The following RIMS2 variants were observed in gnomAD, a reference collection of about 807,000 sequenced individuals.
RIMS2 encodes regulating synaptic membrane exocytosis 2.
In RIMS2, 59 loss-of-function variants were observed where a neutral mutation model predicts 174.4. The observed-to-expected ratio is 0.34, with a 90% CI of 0.27 to 0.42. The LOEUF is 0.42. RIMS2 is among the 10% of genes least tolerant of loss of function. The probability of loss-of-function intolerance (pLI) is 1.00; values close to 1 mark genes in which losing one functional copy is unlikely to be tolerated. For synonymous variants in RIMS2, 606 were observed against 572.5 expected (o/e 1.06, Z -0.84); for missense variants, 1,620 against 1,666.3 (o/e 0.97, Z 0.48).
chr8:103,967,536 AG>A (rs1199593470), intron 15 of RIMS2, among the ~76,000 whole-genome samples: 1 of 151,910 alleles, frequency 6.6e-6, no homozygotes, highest in Non-Finnish European at 1.5e-5. Flanking sequence ...TCTGTCACCC[AG>A]GCTGGAATGC....
At chr8:103,602,442 T>TCCC (rs1194687591) in intron 1 of RIMS2, among the ~76,000 whole-genome samples, 2 of 151,708 alleles carry the variant, frequency 1.3e-5, no homozygotes, top group Non-Finnish European at 2.9e-5. Context: ...TTTTTCCTGA[T>TCCC]CCCATCCCTC....
intron 1 of RIMS2, among the ~76,000 whole-genome samples, chr8:103,670,901 T>C (rs966381001): frequency 2.0e-5 from 3 of 152,224 alleles, no homozygotes; most frequent in African/African-American, 4.8e-5. Context: ...TTCCACATTT[T>C]CAGGTACCTT....
At chr8:104,206,026 G>C (rs1290392173) in intron 19 of RIMS2, among the ~76,000 whole-genome samples, 1 of 152,160 alleles carries the variant, frequency 6.6e-6, no homozygotes, top group African/African-American at 2.4e-5. Context: ...AAAGTGTTGG[G>C]ATTACAGATG....
intron 6 of RIMS2, among the ~76,000 whole-genome samples, chr8:103,912,970 G>GT (rs1272975359): frequency 0.029 from 3,368 of 114,846 alleles, 132 homozygotes; most frequent in African/African-American, 0.073. Flanking sequence ...TTTTTTTGTT[G>GT]TTTTTTTTTT....
At chr8:104,212,155 T>G (rs918352625) in intron 19 of RIMS2, among the ~76,000 whole-genome samples, 4 of 152,332 alleles carry the variant, frequency 2.6e-5, no homozygotes, top group Admixed American at 2.6e-4. Flanking sequence ...TAATGTCAAG[T>G]AGACAGCTCT....
At chr8:104,122,027 T>C (rs373802686) in intron 19 of RIMS2, among the ~76,000 whole-genome samples, 1 of 152,074 alleles carries the variant, frequency 6.6e-6, no homozygotes, top group Admixed American at 6.6e-5. Flanking sequence ...AAAATCCCTG[T>C]CATCATGGAG....
intron 2 of RIMS2, among the ~76,000 whole-genome samples, chr8:103,724,685 T>A (rs2097504146): frequency 6.6e-6 from 1 of 152,248 alleles, no homozygotes; most frequent in African/African-American, 2.4e-5. Flanking sequence ...TGGATCCTAC[T>A]TTATTTCATA....
intron 1 of RIMS2, among the ~76,000 whole-genome samples, chr8:103,615,035 TTTATA>T (rs1183759423): frequency 6.6e-6 from 1 of 152,226 alleles, no homozygotes; most frequent in African/African-American, 2.4e-5. Context: ...TTTAATTATG[TTTATA>T]TTATATTATT....
intron 1 of RIMS2, among the ~76,000 whole-genome samples, chr8:103,597,113 T>G (rs910810785): frequency 6.6e-6 from 1 of 152,170 alleles, no homozygotes; most frequent in Non-Finnish European, 1.5e-5. Flanking sequence ...ATTAAGAACA[T>G]ATGCTTATTT....
At chr8:103,988,660 A>C (rs900736015) in intron 16 of RIMS2, among the ~76,000 whole-genome samples, 1 of 152,018 alleles carries the variant, frequency 6.6e-6, no homozygotes, top group African/African-American at 2.4e-5. Context: ...GGGTTTCTCC[A>C]TGTTGGTCAG....
intron 1 of RIMS2, among the ~76,000 whole-genome samples, chr8:103,658,312 TAAAG>T (rs2096556083): frequency 6.6e-6 from 1 of 152,142 alleles, no homozygotes; most frequent in Non-Finnish European, 1.5e-5. Flanking sequence ...CTAATGGAGA[TAAAG>T]AACGTGATAA....
At chr8:103,549,132 A>C (rs1425713089) in intron 1 of RIMS2, among the ~76,000 whole-genome samples, 2 of 152,084 alleles carry the variant, frequency 1.3e-5, no homozygotes, top group Non-Finnish European at 2.9e-5. Flanking sequence ...CCACCAAGAT[A>C]CTCCTCGAGA....
At chr8:103,530,681 G>T (rs989541618) in intron 1 of RIMS2, among the ~76,000 whole-genome samples, 2 of 152,082 alleles carry the variant, frequency 1.3e-5, no homozygotes, top group African/African-American at 4.8e-5. Flanking sequence ...GACATTTTAA[G>T]TTTTACTTCA....
At chr8:103,551,135 G>C (rs1847673002) in intron 1 of RIMS2, among the ~76,000 whole-genome samples, 1 of 152,038 alleles carries the variant, frequency 6.6e-6, no homozygotes, top group Non-Finnish European at 1.5e-5. Flanking sequence ...GCCTGGCAGA[G>C]ACACAACAAA....
At chr8:104,089,853 T>C (rs529079637) in intron 19 of RIMS2, among the ~76,000 whole-genome samples, 93 of 151,882 alleles carry the variant, frequency 6.1e-4, no homozygotes, top group Non-Finnish European at 1.1e-3. Flanking sequence ...TTATTTTGAA[T>C]ATATTTTTCT....
chr8:103,652,272 C>T (rs763316842), intron 1 of RIMS2, 35 bp downstream of exon 2: 2 of 1,282,436 alleles, frequency 1.6e-6, no homozygotes, highest in Non-Finnish European at 2.1e-6. Context: ...GTAGGCTTGA[C>T]TTCTGTACTT....
rs142072881 is a variant in RIMS2 at position 103,538,193 on chromosome 8, C to G, written c.176+37131C>G. ...AACAAAGACCCAATTAGATACAAAGCCCTGTTGCTTCTTCCTCTCTTTGTA... is the reference window on the plus strand; with the variant it reads ...AACAAAGACCCAATTAGATACAAAGGCCTGTTGCTTCTTCCTCTCTTTGTA... On this transcript the variant is annotated intron_variant, in intron 1 of 23. Transcript: ENST00000504942. 6.2e-3 allele frequency among the ~76,000 whole-genome samples: 939 copies of G among 152,192 alleles called. 12 individuals carry two copies. The highest frequency in any genetic ancestry group is 0.021 in the African/African-American group (889 of 41,522).
intron 19 of RIMS2, among the ~76,000 whole-genome samples, chr8:104,063,770 G>A (rs970617583): frequency 6.6e-6 from 1 of 152,124 alleles, no homozygotes; most frequent in African/African-American, 2.4e-5. Context: ...TCTGGTCGCT[G>A]TTCAGCTTCC....
intron 19 of RIMS2, among the ~76,000 whole-genome samples, chr8:104,151,149 T>G (rs1192996276): frequency 2.0e-5 from 3 of 152,194 alleles, no homozygotes; most frequent in African/African-American, 7.2e-5. Context: ...AAATTAGTAG[T>G]CATTTACCTG....
Sources: allele counts gnomAD v4.1 joint callset (sites outside exome capture counted in the v4.1 genomes callset), GRCh38; gene constraint gnomAD v4.1.1; transcripts MANE v1.5; gene names NCBI Gene and HGNC (gene_info 2026-07-23, HGNC 2026-07-21).